WDR73: variants seen among roughly 807,000 people sequenced by gnomAD.
WDR73 encodes WD repeat domain 73.
In WDR73, 30 loss-of-function variants were observed where a neutral mutation model predicts 38.2. That is an observed-to-expected ratio of 0.79 (90% confidence interval 0.59 to 1.06). The LOEUF (loss-of-function observed/expected upper bound fraction) is 1.06. WDR73 is among the 50% of genes least tolerant of loss of function. The pLI, the probability that WDR73 is intolerant of heterozygous loss-of-function variation, is 0.00. For missense variants in WDR73, 487 were observed against 467.0 expected (o/e 1.04, Z -0.40); for synonymous variants, 197 against 176.0 (o/e 1.12, Z -0.94).
At chr15:84,653,185 C>T (rs1390121230) in intron 2 of WDR73, 1 of 201,426 alleles carries the variant, frequency 5.0e-6, no homozygotes, top group Non-Finnish European at 1.0e-5. Flanking sequence ...CTGAAGTGCC[C>T]AGCCTGAAGA....
chr15:84,644,030 C>T (rs1596048545), intron 7 of WDR73: 5 of 297,012 alleles, frequency 1.7e-5, no homozygotes, highest in East Asian at 8.5e-5. Flanking sequence ...CTGATGACTC[C>T]GTGGGGCATG....
chr15:84,646,002 T>A, intron 6 of WDR73, 166 bp from the exon 7 acceptor site: 3 of 1,542,106 alleles, frequency 1.9e-6, no homozygotes, highest in Non-Finnish European at 2.6e-6. Flanking sequence ...TGGGTGCTGG[T>A]CCCTGGGACT....
intron 3 of WDR73, among the ~76,000 whole-genome samples, chr15:84,649,018 C>G (rs866963255): frequency 1.3e-5 from 2 of 152,222 alleles, no homozygotes; most frequent in Non-Finnish European, 2.9e-5. Flanking sequence ...ACAATTACAA[C>G]TTATCAGTAT....
chr15:84,647,512 TGGAGA>T, intron 5 of WDR73: 1 of 191,858 alleles, frequency 5.2e-6, no homozygotes, highest in Non-Finnish European at 1.1e-5. Context: ...CTTTTTTTTT[TGGAGA>T]CGGAGTTTTG....
At chr15:84,646,068 A>G (rs1378612505) in intron 6 of WDR73, 116 bp downstream of exon 6, 1 of 1,560,308 alleles carries the variant, frequency 6.4e-7, no homozygotes. Flanking sequence ...CCTCTTATTC[A>G]CTGTGTATCC....
rs1896217882 is a variant in WDR73 at position 84,640,268 on chromosome 15, T to C, written c.*3202A>G. 1 of 152,224 alleles carries C rather than the reference T, an allele frequency of 6.6e-6. No homozygotes were observed. Among genetic ancestry groups the C allele is most frequent in the South Asian group, 2.1e-4 (1 of 4,832 alleles). 9.4% of individuals were successfully genotyped at this position (152,224 alleles called of 1,614,324 possible). A position where few individuals can be genotyped will look rare whatever the true frequency, so the allele number is the denominator to read the frequency against. On this transcript the variant is annotated 3_prime_UTR_variant, in exon 8 of 8. Coordinates refer to ENST00000434634, the MANE Select transcript of WDR73 (RefSeq NM_032856.5). ...CAGGAGATGTGATTATTGTCCTGGC[T>C]CTGTTATGACTAATTTGGGTCTGGA... is the stretch of plus-strand genomic sequence containing the variant.
chr15:84,653,743 C>G, intron 1 of WDR73, 44 bp from the exon 2 acceptor site: 1 of 1,479,814 alleles, frequency 6.8e-7, no homozygotes, highest in East Asian at 2.4e-5. Context: ...CAGCACTTCA[C>G]AGCTCAAAGA....
In WDR73 at chr15:84,645,487, A is replaced by G. The variant is rs1896418089; in HGVS notation, c.867T>C (p.Asn289=). ...CGGCAGTACCTGAGATGGCCAAGCA[A>G]TTCTTCAGGCCTGGGGCCCAAGTCA... ...LRVTWAPGLK[N]CLAISGFDGT... Residue 289 remains asparagine, a synonymous_variant, in exon 7 of 8, where the codon AAT becomes AAC. Transcript: ENST00000434634. 5 of 1,612,244 alleles carry G rather than the reference A, an allele frequency of 3.1e-6. No homozygotes were observed. Among genetic ancestry groups the G allele is most frequent in the African/African-American group, 1.3e-5 (1 of 75,020 alleles).
chr15:84,643,466 G>A lies in WDR73; in HGVS notation c.*4C>T. 1 of 1,552,280 alleles carries A rather than the reference G, an allele frequency of 6.4e-7. No homozygotes were observed. Among genetic ancestry groups the A allele is most frequent in the Non-Finnish European group, 8.7e-7 (1 of 1,147,718 alleles). ...CTAGAGGCCTAGATGGAAAGATGCT[G>A]GTGTCAGCGGGGGGCACAAAGGTCC... On this transcript the variant is annotated 3_prime_UTR_variant, in exon 8 of 8. Transcript: ENST00000434634.
chr15:84,643,773 T>C lies in WDR73; in HGVS notation c.884-50A>G, dbSNP rs149242978. On this transcript the variant is annotated intron_variant, in intron 7 of 7. Transcript: ENST00000434634. ...TGACAATGAGTCCCTAATTTTATTT[T>C]AAAATAATTTTCTTTCTATTTTTAA... The C allele has an allele frequency of 1.5e-5, 23 of 1,508,212 alleles. 1 individual carries two copies. In the African/African-American group the frequency reaches 2.8e-4, roughly 19 times the overall value. 93.4% of individuals were successfully genotyped at this position (1,508,212 alleles called of 1,614,324 possible).
At chr15:84,648,747 A>C (rs1188797658) in intron 3 of WDR73, 122 bp from the exon 4 acceptor site, 1 of 739,334 alleles carries the variant, frequency 1.4e-6, no homozygotes, top group Non-Finnish European at 2.4e-6. Context: ...AGCTGGTGAA[A>C]GGGCGTTGGT....
In WDR73 at chr15:84,641,252, G is replaced by C. The variant is rs956164820; in HGVS notation, c.*2218C>G. ...CGGACTTCAAGGAGATTCAGAAAAC[G>C]TCCAGTGCAGGTGGGAAATGAATGG... On this transcript the variant is annotated 3_prime_UTR_variant, in exon 8 of 8. Transcript: ENST00000434634. 1 of 152,146 alleles carries C rather than the reference G, an allele frequency of 6.6e-6. No individual in the cohort carries two copies. Among genetic ancestry groups the C allele is most frequent in the African/African-American group, 2.4e-5 (1 of 41,416 alleles). 9.4% of individuals were successfully genotyped at this position (152,146 alleles called of 1,614,324 possible).
chr15:84,652,829 C>A, intron 2 of WDR73, 27 bp from the exon 3 acceptor site: 1 of 1,419,994 alleles, frequency 7.0e-7, no homozygotes, highest in South Asian at 1.3e-5. Context: ...AGGTAGCTGT[C>A]ACAAATTGTT....
chr15:84,653,109 G>A, intron 2 of WDR73: 1 of 258,534 alleles, frequency 3.9e-6, no homozygotes. Context: ...TGTAGAGACA[G>A]GGTTTCCTTG....
intron 7 of WDR73, chr15:84,644,464 C>T (rs1316287381): frequency 2.0e-5 from 3 of 152,046 alleles, no homozygotes; most frequent in Non-Finnish European, 4.4e-5. Context: ...CAACCCCCAC[C>T]TGCCTCGACG....
Position 84,648,352 on chromosome 15 carries a change from AAGCCAC to A in WDR73, c.287+179_287+184del, listed in dbSNP as rs1896527019. ...AGTCCAAGGGCTCTGGGGGGCTATG[AAGCCAC>A]AGCAGTGGTTTCTTTGTATTCTAAA... On this transcript the variant is annotated intron_variant, in intron 4 of 7. Transcript: ENST00000434634. 1.0e-5 allele frequency: 6 copies of A among 596,792 alleles called. No individual in the cohort carries two copies. The South Asian group carries it at 1.3e-4, about 12-fold the overall frequency. The allele number at this position is 596,792 out of a possible 1,614,324, so 37.0% of individuals were successfully genotyped here.
chr15:84,651,509 T>C (rs567460551), intron 3 of WDR73, among the ~76,000 whole-genome samples: 1 of 152,154 alleles, frequency 6.6e-6, no homozygotes, highest in Non-Finnish European at 1.5e-5. Context: ...CATGCCTCAC[T>C]CCTCCCTTGT....
chr15:84,645,698 G>A lies in WDR73; in HGVS notation c.656C>T (p.Pro219Leu), dbSNP rs1303477896. Residue 219 changes from proline to leucine, a missense_variant, in exon 7 of 8, where the codon CCT (proline) becomes CTT (leucine). Coordinates refer to ENST00000434634, the MANE Select transcript of WDR73 (RefSeq NM_032856.5). ...WAPLENRSPG[P>L]GSGGERWCAE... Reference sequence around the variant, plus strand: ...ACACCATCTCTCTCCACCAGACCCAGGGCCAGGGCTGCGATTCTCCAACGG... The same window carrying A: ...ACACCATCTCTCTCCACCAGACCCAAGGCCAGGGCTGCGATTCTCCAACGG... The A allele has an allele frequency of 3.1e-6, 5 of 1,609,468 alleles. No individual in the cohort carries two copies. The highest frequency in any genetic ancestry group is 1.3e-5 in the African/African-American group (1 of 74,794).
chr15:84,643,376 C>A lies in WDR73; in HGVS notation c.*94G>T. On this transcript the variant is annotated 3_prime_UTR_variant, in exon 8 of 8. Transcript: ENST00000434634. Reference sequence around the variant, plus strand: ...TTGCCCAAGGCCACACAGCTGGTAACAGGGACTGGTAGTCACTTGAGTCCT... The same window carrying A: ...TTGCCCAAGGCCACACAGCTGGTAAAAGGGACTGGTAGTCACTTGAGTCCT... The A allele has an allele frequency of 6.9e-7, 1 of 1,452,206 alleles. No individual in the cohort carries two copies. The highest frequency in any genetic ancestry group is 2.5e-5 in the East Asian group (1 of 40,260). The allele number at this position is 1,452,206 out of a possible 1,614,324, so 90.0% of individuals were successfully genotyped here. A position where few individuals can be genotyped will look rare whatever the true frequency, so the allele number is the denominator to read the frequency against.
Sources: allele counts gnomAD v4.1 joint callset (sites outside exome capture counted in the v4.1 genomes callset), GRCh38; gene constraint gnomAD v4.1.1; transcripts MANE v1.5; gene names NCBI Gene and HGNC (gene_info 2026-07-23, HGNC 2026-07-21).